FSTL5: variants seen among roughly 807,000 people sequenced by gnomAD.
The protein encoded by FSTL5 is follistatin-related protein 5.
FSTL5 carries 62 observed loss-of-function variants against 89.1 expected under a neutral mutation model. The ratio of observed to expected loss-of-function variants is 0.70; its 90% CI spans 0.57 to 0.86. The LOEUF is 0.86. Ranked by LOEUF, FSTL5 falls within the 40% of genes least tolerant of loss-of-function variation. The pLI is 0.00. For synonymous variants in FSTL5, 383 were observed against 346.2 expected, an observed-to-expected ratio of 1.11 and a Z score of -1.18; for missense variants, 1,057 against 1,001.6, an observed-to-expected ratio of 1.06 and a Z score of -0.75.
chr4:161,872,141 G>GTTTTTT lies in FSTL5; in HGVS notation c.409+48257_409+48262dup, dbSNP rs1171950770. ...GCTTTGTAGTTTGTTTTTTTTTTTG[G>GTTTTTT]TTTTTTTTTTTTTTTTTGTAGAGAC... On this transcript the variant is annotated intron_variant, in intron 4 of 15. Transcript: ENST00000306100. Among the ~76,000 whole-genome samples, 18 of 79,556 alleles carry GTTTTTT rather than the reference G, an allele frequency of 2.3e-4. 1 individual carries two copies. Among genetic ancestry groups the GTTTTTT allele is most frequent in the African/African-American group, 8.0e-4 (15 of 18,674 alleles). The allele number at this position is 79,556 out of a possible 152,430, so 52.2% of individuals were successfully genotyped here.
rs746732549 is a variant in FSTL5 at position 161,656,314 on chromosome 4, A to G, written c.894+14T>C. The G allele has an allele frequency of 2.1e-6, 3 of 1,397,094 alleles. No homozygotes were observed. The South Asian group carries it at 3.8e-5, about 18-fold the overall frequency. The allele number at this position is 1,397,094 out of a possible 1,614,324, so 86.5% of individuals were successfully genotyped here. A position where few individuals can be genotyped will look rare whatever the true frequency, so the allele number is the denominator to read the frequency against. On this transcript the variant is annotated intron_variant, in intron 7 of 15. Coordinates refer to ENST00000306100, the MANE Select transcript of FSTL5 (RefSeq NM_020116.5). The stretch of plus-strand genomic sequence containing the variant: ...AATATATATATTATAAAGCAACTAT[A>G]TTTATGTACTCACATTGATGTCTTC...
At chr4:161,481,665 A>G (rs2126454457) in intron 12 of FSTL5, among the ~76,000 whole-genome samples, 1 of 152,310 alleles carries the variant, frequency 6.6e-6, no homozygotes, top group African/African-American at 2.4e-5. Flanking sequence ...TAAATAAATT[A>G]TAATAAGATA....
intron 6 of FSTL5, among the ~76,000 whole-genome samples, chr4:161,752,773 A>G (rs1446029571): frequency 6.6e-6 from 1 of 152,122 alleles, no homozygotes; most frequent in Non-Finnish European, 1.5e-5. Flanking sequence ...CAATGTGACT[A>G]TATTTGGAGA....
intron 6 of FSTL5, among the ~76,000 whole-genome samples, chr4:161,716,655 G>A (rs1451321494): frequency 6.6e-6 from 1 of 151,960 alleles, no homozygotes; most frequent in East Asian, 1.9e-4. Flanking sequence ...ACTCTCAAAT[G>A]CCTTACTTTA....
At chr4:161,758,571 TGCAATGGC>T (rs756098706) in intron 6 of FSTL5, among the ~76,000 whole-genome samples, 17 of 152,196 alleles carry the variant, frequency 1.1e-4, no homozygotes, top group Non-Finnish European at 2.5e-4. Context: ...CAGGCTGGAC[TGCAATGGC>T]GCCATCTTGG....
chr4:161,669,812 C>T (rs749418277), intron 6 of FSTL5, among the ~76,000 whole-genome samples: 7 of 151,886 alleles, frequency 4.6e-5, no homozygotes, highest in Non-Finnish European at 8.8e-5. Flanking sequence ...AAACCAAGAC[C>T]ATTTATAAAC....
chr4:161,532,272 T>C (rs1419939158), intron 10 of FSTL5, among the ~76,000 whole-genome samples: 1 of 152,122 alleles, frequency 6.6e-6, no homozygotes, highest in Non-Finnish European at 1.5e-5. Context: ...TGTCTTGCAC[T>C]ATGACAAGTG....
intron 15 of FSTL5, among the ~76,000 whole-genome samples, chr4:161,403,351 T>C (rs1179724061): frequency 6.6e-6 from 1 of 152,130 alleles, no homozygotes; most frequent in Non-Finnish European, 1.5e-5. Flanking sequence ...ACAAGAGGAA[T>C]CTTTTAAAAA....
At chr4:161,579,749 GAA>G (rs1733365091) in intron 8 of FSTL5, among the ~76,000 whole-genome samples, 3 of 35,424 alleles carry the variant, frequency 8.5e-5, no homozygotes, top group Non-Finnish European at 8.3e-5. Context: ...AAAAAAGAAA[GAA>G]AAAGAAAAAA....
At chr4:161,926,677 C>G (rs2110881575) in intron 3 of FSTL5, among the ~76,000 whole-genome samples, 1 of 151,922 alleles carries the variant, frequency 6.6e-6, no homozygotes, top group Non-Finnish European at 1.5e-5. Flanking sequence ...AATCTCAACA[C>G]TCTTTCCAAC....
chr4:161,732,295 C>T (rs1432892145), intron 6 of FSTL5, among the ~76,000 whole-genome samples: 1 of 151,900 alleles, frequency 6.6e-6, no homozygotes, highest in African/African-American at 2.4e-5. Flanking sequence ...TTATGAATAG[C>T]TTATTTATAA....
chr4:162,105,559 T>G (rs1731194497), intron 2 of FSTL5, among the ~76,000 whole-genome samples: 1 of 152,050 alleles, frequency 6.6e-6, no homozygotes, highest in Non-Finnish European at 1.5e-5. Context: ...GGTAGGATGG[T>G]GTCAGTTAAT....
intron 6 of FSTL5, among the ~76,000 whole-genome samples, chr4:161,750,841 A>G (rs114904343): frequency 0.023 from 3,499 of 152,280 alleles, 53 homozygotes; most frequent in Non-Finnish European, 0.031. Context: ...GCACTAAGCT[A>G]TGACTGACAA....
intron 6 of FSTL5, among the ~76,000 whole-genome samples, chr4:161,691,126 T>C (rs969424785): frequency 2.0e-5 from 3 of 152,278 alleles, no homozygotes; most frequent in African/African-American, 7.2e-5. Context: ...TTGTGAAATT[T>C]AAGGTCAGGA....
intron 8 of FSTL5, among the ~76,000 whole-genome samples, chr4:161,545,454 G>A (rs979087533): frequency 4.3e-3 from 6 of 1,398 alleles, no homozygotes; most frequent in South Asian, 0.12. Flanking sequence ...AAGATCTGGC[G>A]CGTTGCTACA....
intron 15 of FSTL5, among the ~76,000 whole-genome samples, chr4:161,429,926 A>G (rs1221112975): frequency 5.9e-5 from 9 of 152,208 alleles, no homozygotes; most frequent in Non-Finnish European, 1.5e-5. Flanking sequence ...GAAGAGACAG[A>G]GATGTGACCT....
chr4:161,889,663 G>A (rs540380165), intron 4 of FSTL5, among the ~76,000 whole-genome samples: 2 of 152,082 alleles, frequency 1.3e-5, no homozygotes, highest in East Asian at 3.9e-4. Flanking sequence ...TAAATAACAC[G>A]AATTATTATA....
intron 7 of FSTL5, among the ~76,000 whole-genome samples, chr4:161,633,315 A>ATTATTATTATTATTG (rs1735564882): frequency 6.8e-6 from 1 of 146,258 alleles, no homozygotes; most frequent in African/African-American, 2.5e-5. Flanking sequence ...TATTATTATT[A>ATTATTATTATTATTG]TTATTATTAT....
chr4:161,871,865 C>T (rs1331858835), intron 4 of FSTL5, among the ~76,000 whole-genome samples: 1 of 152,096 alleles, frequency 6.6e-6, no homozygotes, highest in Non-Finnish European at 1.5e-5. Context: ...TAGTGTCTAT[C>T]TCACAAGGTA....
Sources: allele counts gnomAD v4.1 joint callset (sites outside exome capture counted in the v4.1 genomes callset), GRCh38; gene constraint gnomAD v4.1.1; transcripts MANE v1.5; gene names NCBI Gene and HGNC (gene_info 2026-07-23, HGNC 2026-07-21).